AOPEP: variants seen among roughly 807,000 people sequenced by gnomAD.
AOPEP encodes the protein aminopeptidase O.
In AOPEP, 77 loss-of-function variants were observed where a neutral mutation model predicts 98.1. That is an observed-to-expected ratio of 0.78 (90% confidence interval 0.65 to 0.95). The LOEUF is 0.95. Ranked by LOEUF, AOPEP falls within the 40% of genes least tolerant of loss-of-function variation. The probability of loss-of-function intolerance (pLI) is 0.00; values close to 1 mark genes in which losing one functional copy is unlikely to be tolerated. For synonymous variants in AOPEP, 346 were observed against 365.3 expected, an observed-to-expected ratio of 0.95 and a Z score of 0.60; for missense variants, 1,024 against 1,024.7, an observed-to-expected ratio of 1.00 and a Z score of 0.01.
chr9:95,120,552 T>C, the AOPEP span, among the ~76,000 whole-genome samples: 1 of 151,998 alleles, frequency 6.6e-6, no homozygotes, highest in Admixed American at 6.6e-5. Flanking sequence ...TAGCCGGGAC[T>C]ACAGGCATGC....
At chr9:95,022,892 G>A (rs776145300) in intron 13 of AOPEP, among the ~76,000 whole-genome samples, 5 of 152,178 alleles carry the variant, frequency 3.3e-5, no homozygotes, top group Admixed American at 3.3e-4. Context: ...CTTTGGCCAT[G>A]GCTGTAGCTG....
the AOPEP span, among the ~76,000 whole-genome samples, chr9:95,134,859 G>A: frequency 7.2e-5 from 11 of 152,366 alleles, no homozygotes; most frequent in Non-Finnish European, 7.3e-5. Context: ...GGAGGGTGAA[G>A]GCAGGTGGCC....
At chr9:94,768,366 T>C (rs1315878152) in intron 2 of AOPEP, among the ~76,000 whole-genome samples, 1 of 152,210 alleles carries the variant, frequency 6.6e-6, no homozygotes, top group Non-Finnish European at 1.5e-5. Context: ...AAACCCCTTT[T>C]TCTCCTGGCT....
chr9:95,014,611 GA>G (rs1465642073), intron 13 of AOPEP, among the ~76,000 whole-genome samples: 1 of 152,178 alleles, frequency 6.6e-6, no homozygotes, highest in Non-Finnish European at 1.5e-5. Flanking sequence ...ACCTTTCCCT[GA>G]TTCCATGTGG....
At chr9:95,138,103 A>G in the AOPEP span, among the ~76,000 whole-genome samples, 1 of 152,264 alleles carries the variant, frequency 6.6e-6, no homozygotes, top group Non-Finnish European at 1.5e-5. Context: ...TTGAATCCTC[A>G]TTAACAGCCC....
chr9:95,076,738 G>C (rs2069114894), intron 14 of AOPEP, among the ~76,000 whole-genome samples: 2 of 152,188 alleles, frequency 1.3e-5, no homozygotes, highest in African/African-American at 4.8e-5. Flanking sequence ...CAGTCTCTGG[G>C]CATAGGGATG....
At chr9:95,045,018 G>T (rs1381723071) in intron 13 of AOPEP, among the ~76,000 whole-genome samples, 2 of 152,306 alleles carry the variant, frequency 1.3e-5, no homozygotes, top group African/African-American at 4.8e-5. Context: ...TTCATGCTCA[G>T]AAACAGGGGT....
At chr9:95,106,852 T>C in the AOPEP span, among the ~76,000 whole-genome samples, 3 of 152,130 alleles carry the variant, frequency 2.0e-5, no homozygotes, top group Non-Finnish European at 4.4e-5. Context: ...GCATCTCCTG[T>C]CTCTGAGCCT....
intron 5 of AOPEP, among the ~76,000 whole-genome samples, chr9:94,868,403 A>G (rs1046460735): frequency 2.6e-5 from 4 of 152,188 alleles, no homozygotes; most frequent in African/African-American, 7.2e-5. Flanking sequence ...TAGATGTAAC[A>G]CGGCTACCTT....
chr9:94,883,406 G>T (rs2047823292), intron 5 of AOPEP, among the ~76,000 whole-genome samples: 1 of 152,154 alleles, frequency 6.6e-6, no homozygotes, highest in South Asian at 2.1e-4. Context: ...GGAAAATGAG[G>T]TACATAAACA....
intron 13 of AOPEP, among the ~76,000 whole-genome samples, chr9:95,017,737 G>A (rs1228991375): frequency 6.6e-6 from 1 of 152,166 alleles, no homozygotes; most frequent in Non-Finnish European, 1.5e-5. Context: ...TACCTGATAC[G>A]ACAGTCCAGT....
At chr9:94,790,535 C>T (rs1845481525) in intron 3 of AOPEP, among the ~76,000 whole-genome samples, 1 of 152,118 alleles carries the variant, frequency 6.6e-6, no homozygotes, top group Non-Finnish European at 1.5e-5. Context: ...GGTGCAGCTT[C>T]CAGGCAAGTT....
intron 7 of AOPEP, among the ~76,000 whole-genome samples, chr9:94,945,090 C>T (rs993532529): frequency 2.0e-5 from 3 of 152,092 alleles, no homozygotes; most frequent in Non-Finnish European, 4.4e-5. Flanking sequence ...CCATTTCCAG[C>T]GTTGGATGGA....
intron 5 of AOPEP, among the ~76,000 whole-genome samples, chr9:94,823,403 T>C (rs1009014482): frequency 6.6e-6 from 1 of 152,256 alleles, no homozygotes; most frequent in African/African-American, 2.4e-5. Context: ...TAGTCATGCC[T>C]TCCTTCAGAC....
At chr9:94,809,425 C>A (rs1305816161) in intron 5 of AOPEP, among the ~76,000 whole-genome samples, 1 of 152,050 alleles carries the variant, frequency 6.6e-6, no homozygotes, top group Admixed American at 6.5e-5. Flanking sequence ...ACTGTGGTTT[C>A]AAAAAAACCA....
the AOPEP span, among the ~76,000 whole-genome samples, chr9:95,143,088 T>A: frequency 1.3e-5 from 2 of 152,204 alleles, no homozygotes; most frequent in Non-Finnish European, 2.9e-5. Context: ...TCTCTTCAGG[T>A]TTGATAATTT....
intron 13 of AOPEP, chr9:95,018,882 C>T (rs970872550): frequency 4.6e-5 from 7 of 152,210 alleles, no homozygotes; most frequent in African/African-American, 1.4e-4. Context: ...AGCTAGTACT[C>T]ACTCAATACT....
At chr9:95,148,634 T>A in the AOPEP span, among the ~76,000 whole-genome samples, 1 of 152,222 alleles carries the variant, frequency 6.6e-6, no homozygotes. Context: ...ATACTGCATA[T>A]GAAATATGTC....
In AOPEP at chr9:95,082,717, G is replaced by A. The variant is rs1371457553; in HGVS notation, c.*2G>A. On this transcript the variant is annotated splice_region_variant and 3_prime_UTR_variant, in exon 16 of 17. Transcript: ENST00000375315. ...GTGGTGGCCGAAATGTTATTTTAAC[G>A]AGGTGATTCTCTCCCTTTCCTTTCT... 5.0e-6 allele frequency: 8 copies of A among 1,614,126 alleles called. No individual in the cohort carries two copies. Among genetic ancestry groups the A allele is most frequent in the South Asian group, 3.3e-5 (3 of 91,074 alleles).
Sources: gnomAD v4.1 joint callset for allele counts (sites outside exome capture counted in the v4.1 genomes callset) on GRCh38, gnomAD v4.1.1 for gene constraint, MANE v1.5 for transcripts, NCBI Gene and HGNC (gene_info 2026-07-23, HGNC 2026-07-21) for gene names.